Variants in PDE10A observed in about 807,000 individuals in gnomAD.
PDE10A encodes cAMP and cAMP-inhibited cGMP 3',5'-cyclic phosphodiesterase 10A.
PDE10A carries 39 observed loss-of-function variants against 97.7 expected under a neutral mutation model. That is an observed-to-expected ratio of 0.40 (90% CI 0.31 to 0.52). The LOEUF (loss-of-function observed/expected upper bound fraction) is 0.52. PDE10A is among the 20% of genes least tolerant of loss of function. The pLI, the probability that PDE10A is intolerant of heterozygous loss-of-function variation, is 0.56. For missense variants in PDE10A, 731 were observed against 1,047.8 expected, an observed-to-expected ratio of 0.70 and a Z score of 4.17; for synonymous variants, 371 against 376.8, an observed-to-expected ratio of 0.98 and a Z score of 0.18.
chr6:165,466,040 T>A (rs1032901992), intron 3 of PDE10A, among the ~76,000 whole-genome samples: 1 of 152,182 alleles, frequency 6.6e-6, no homozygotes, highest in Non-Finnish European at 1.5e-5. Flanking sequence ...GGACAATGAA[T>A]TCATGTCGAA....
Position 165,771,411 on chromosome 6 carries a change from G to A in PDE10A, c.-615+216118C>T, listed in dbSNP as rs79271017. On this transcript the variant is annotated intron_variant, in intron 1 of 19. Coordinates refer to the PDE10A transcript ENST00000366882. ...GCTCACATGAGCCCTACAGACGTTT[G>A]CATTGTTCCACTATAACCAGAGTCA... 2.2e-3 allele frequency among the ~76,000 whole-genome samples: 329 copies of A among 152,068 alleles called. 4 individuals are homozygous for A. The Middle Eastern group carries it at 0.027, about 13-fold the overall frequency.
chr6:165,519,775 T>G (rs1423209488), intron 2 of PDE10A, among the ~76,000 whole-genome samples: 1 of 152,186 alleles, frequency 6.6e-6, no homozygotes, highest in African/African-American at 2.4e-5. Flanking sequence ...TTAATATACA[T>G]ATTTATATAT....
chr6:165,841,278 C>T (rs1168438447), intron 1 of PDE10A, among the ~76,000 whole-genome samples: 1 of 152,228 alleles, frequency 6.6e-6, no homozygotes, highest in Non-Finnish European at 1.5e-5. Flanking sequence ...AGCACCTTCT[C>T]CTGCTGGGTA....
chr6:165,556,024 C>T (rs1310188579), intron 1 of PDE10A, among the ~76,000 whole-genome samples: 2 of 151,782 alleles, frequency 1.3e-5, no homozygotes, highest in Admixed American at 6.6e-5. Context: ...CTACAAATAC[C>T]GAAAATTTTT....
chr6:165,604,810 G>A (rs1345882163), intron 1 of PDE10A, among the ~76,000 whole-genome samples: 1 of 152,208 alleles, frequency 6.6e-6, no homozygotes, highest in East Asian at 1.9e-4. Context: ...GGATTTCAGT[G>A]TAGAAGAAAA....
intron 13 of PDE10A, among the ~76,000 whole-genome samples, chr6:165,412,229 T>A (rs1054763402): frequency 3.3e-5 from 5 of 152,126 alleles, no homozygotes; most frequent in Admixed American, 6.6e-5. Flanking sequence ...TATATTCAAC[T>A]TTTGTTGGAT....
At chr6:165,889,888 ACTCCTCCCTCCCTCC>A (rs201899615) in intron 1 of PDE10A, among the ~76,000 whole-genome samples, 3,369 of 24,428 alleles carry the variant, frequency 0.14, 92 homozygotes, top group Non-Finnish European at 0.16. Flanking sequence ...TCCCTCACTC[ACTCCTCCCTCCCTCC>A]CTCCTCCCTC....
intron 1 of PDE10A, among the ~76,000 whole-genome samples, chr6:165,783,499 G>A (rs1778400322): frequency 6.6e-6 from 1 of 152,162 alleles, no homozygotes; most frequent in Non-Finnish European, 1.5e-5. Flanking sequence ...GTGAGATTGG[G>A]AACTTTTACC....
intron 1 of PDE10A, among the ~76,000 whole-genome samples, chr6:165,975,073 G>A (rs956187219): frequency 6.6e-6 from 1 of 152,210 alleles, no homozygotes; most frequent in Non-Finnish European, 1.5e-5. Context: ...AGGAGCCCGG[G>A]TCCAGACCCT....
chr6:165,368,901 C>G (rs572494278), intron 18 of PDE10A, among the ~76,000 whole-genome samples: 30 of 152,306 alleles, frequency 2.0e-4, no homozygotes, highest in African/African-American at 6.5e-4. Context: ...AACGATCAGA[C>G]AGCAGCATTC....
At chr6:165,421,708 T>G (rs1195352024) in intron 10 of PDE10A, among the ~76,000 whole-genome samples, 1 of 152,128 alleles carries the variant, frequency 6.6e-6, no homozygotes, top group Non-Finnish European at 1.5e-5. Flanking sequence ...TTTTTCTTGT[T>G]TGAGGATAAT....
intron 13 of PDE10A, among the ~76,000 whole-genome samples, chr6:165,404,106 T>C (rs1241366896): frequency 6.6e-6 from 1 of 152,134 alleles, no homozygotes; most frequent in Non-Finnish European, 1.5e-5. Flanking sequence ...ATATCTGAGG[T>C]GACAGATACC....
rs575948359 is a variant in PDE10A at position 165,511,152 on chromosome 6, G to C, written c.995-28809C>G. Among the ~76,000 whole-genome samples, 99 of 152,004 alleles carry C rather than the reference G, an allele frequency of 6.5e-4. 1 individual carries two copies. Among genetic ancestry groups the C allele is most frequent in the African/African-American group, 2.3e-3 (96 of 41,512 alleles). On this transcript the variant is annotated intron_variant, in intron 2 of 21. Transcript: ENST00000539869. ...TTTGAACTCCTACTTTTCTGATGTAGGTGTTTGTTGCTATTTTCTTCCCTG... is the reference window on the plus strand; with the variant it reads ...TTTGAACTCCTACTTTTCTGATGTACGTGTTTGTTGCTATTTTCTTCCCTG...
chr6:165,739,570 G>T (rs2128452971), intron 1 of PDE10A, among the ~76,000 whole-genome samples: 1 of 151,952 alleles, frequency 6.6e-6, no homozygotes, highest in South Asian at 2.1e-4. Flanking sequence ...TTTGAAATTG[G>T]TCTGGGCTAT....
intron 1 of PDE10A, among the ~76,000 whole-genome samples, chr6:165,845,893 A>G (rs1029265947): frequency 7.2e-5 from 11 of 152,202 alleles, no homozygotes; most frequent in Non-Finnish European, 1.5e-4. Flanking sequence ...ACTTTCAGTA[A>G]TTAAATAGGA....
rs1781420128 is a variant in PDE10A, at chr6:165,332,906, G to A, written c.*119C>T. On this transcript the variant is annotated 3_prime_UTR_variant, in exon 22 of 22. Coordinates refer to ENST00000539869, the MANE Select transcript of PDE10A (RefSeq NM_001385079.1). ...TTATTTGATGTTACCTTCTTGAAGA[G>A]GTTTGCACCCCAGTTACCAGGTGCA... 5 of 711,616 alleles carry A rather than the reference G, an allele frequency of 7.0e-6. No individual in the cohort carries two copies. The highest frequency in any genetic ancestry group is 2.0e-5 in the Admixed American group (1 of 50,462). The allele number at this position is 711,616 out of a possible 1,614,324, so 44.1% of individuals were successfully genotyped here. A position where few individuals can be genotyped will look rare whatever the true frequency, so the allele number is the denominator to read the frequency against.
At position 165,522,721 on chromosome 6, in the gene PDE10A, G is replaced by A. The variant is rs146527450; in HGVS notation, c.994+20719C>T. Among the ~76,000 whole-genome samples the A allele has an allele frequency of 1.8e-4, 28 of 152,062 alleles. No individual in the cohort carries two copies. The East Asian group carries it at 5.0e-3, about 27-fold the overall frequency. ...TAGTTTAATAACTGAAACAAGACAAGAATGTCCACTCTTATCACTCTTATT... is the reference window on the plus strand; with the variant it reads ...TAGTTTAATAACTGAAACAAGACAAAAATGTCCACTCTTATCACTCTTATT... On this transcript the variant is annotated intron_variant, in intron 2 of 21. Coordinates refer to ENST00000539869, the MANE Select transcript of PDE10A (RefSeq NM_001385079.1).
chr6:165,901,931 A>G (rs1450687650), intron 1 of PDE10A, among the ~76,000 whole-genome samples: 2 of 152,222 alleles, frequency 1.3e-5, no homozygotes, highest in African/African-American at 4.8e-5. Context: ...TGCACGGTTG[A>G]GGTCAGAGTA....
chr6:165,379,459 A>G, intron 17 of PDE10A, 93 bp from the exon 18 acceptor site: 1 of 962,748 alleles, frequency 1.0e-6, no homozygotes, highest in Non-Finnish European at 1.5e-6. Context: ...TAGTCAGTCA[A>G]TGACATCTGG....
Sources: gnomAD v4.1 joint callset for allele counts (sites outside exome capture counted in the v4.1 genomes callset) on GRCh38, gnomAD v4.1.1 for gene constraint, MANE v1.5 for transcripts, NCBI Gene and HGNC (gene_info 2026-07-23, HGNC 2026-07-21) for gene names.